KCND2: variants seen among roughly 807,000 people sequenced by gnomAD.
KCND2 encodes the protein potassium voltage-gated channel subfamily D member 2.
Under a neutral mutation model 54.4 loss-of-function variants are expected in KCND2, and 16 were observed. That is an observed-to-expected ratio of 0.29 (90% confidence interval 0.20 to 0.45). The LOEUF is 0.45. Ranked by LOEUF, KCND2 falls within the 20% of genes least tolerant of loss-of-function variation. The probability of loss-of-function intolerance (pLI) is 1.00; values close to 1 mark genes in which losing one functional copy is unlikely to be tolerated. For synonymous variants in KCND2, 317 were observed against 310.7 expected (o/e 1.02, Z -0.21); for missense variants, 486 against 824.2 (o/e 0.59, Z 5.02).
At chr7:120,598,167 A>G (rs756052351) in intron 1 of KCND2, among the ~76,000 whole-genome samples, 1 of 152,122 alleles carries the variant, frequency 6.6e-6, no homozygotes, top group African/African-American at 2.4e-5. Context: ...AGTGGTTTCA[A>G]TGAGGAAAAG....
At chr7:120,732,519 A>T (rs1227297480) in intron 1 of KCND2, among the ~76,000 whole-genome samples, 1 of 152,160 alleles carries the variant, frequency 6.6e-6, no homozygotes, top group Non-Finnish European at 1.5e-5. Flanking sequence ...TTGAATGTTG[A>T]AAAAACTAAG....
intron 1 of KCND2, among the ~76,000 whole-genome samples, chr7:120,474,178 C>T (rs775099645): frequency 3.3e-5 from 5 of 152,134 alleles, no homozygotes; most frequent in African/African-American, 7.2e-5. Context: ...TGAGGCCCTC[C>T]GTGGTGATTC....
At chr7:120,594,327 T>G (rs139873932) in intron 1 of KCND2, among the ~76,000 whole-genome samples, 2 of 152,320 alleles carry the variant, frequency 1.3e-5, no homozygotes, top group East Asian at 3.9e-4. Context: ...TCAGGTTGCT[T>G]TCACAAATTA....
At chr7:120,478,426 A>C (rs958281370) in intron 1 of KCND2, among the ~76,000 whole-genome samples, 1 of 93,164 alleles carries the variant, frequency 1.1e-5, no homozygotes, top group Non-Finnish European at 2.0e-5. Flanking sequence ...ATTTTTAGGC[A>C]AAAAACCTTG....
At chr7:120,365,067 G>A (rs985783049) in intron 1 of KCND2, among the ~76,000 whole-genome samples, 1 of 151,866 alleles carries the variant, frequency 6.6e-6, no homozygotes, top group African/African-American at 2.4e-5. Flanking sequence ...ATAACAAGAT[G>A]GTGAGTATGT....
chr7:120,363,009 C>A (rs1414853879), intron 1 of KCND2, among the ~76,000 whole-genome samples: 1 of 151,782 alleles, frequency 6.6e-6, no homozygotes, highest in Non-Finnish European at 1.5e-5. Context: ...TTGTATAAAC[C>A]CTTGGAAGTC....
intron 1 of KCND2, among the ~76,000 whole-genome samples, chr7:120,418,857 A>G (rs558731371): frequency 2.0e-5 from 3 of 152,246 alleles, no homozygotes; most frequent in Admixed American, 6.5e-5. Flanking sequence ...AAACAAATAC[A>G]TTGTTTTGAT....
intron 1 of KCND2, among the ~76,000 whole-genome samples, chr7:120,521,003 G>A (rs566776711): frequency 1.1e-4 from 17 of 152,142 alleles, no homozygotes; most frequent in African/African-American, 4.1e-4. Context: ...TGCCCTTGGT[G>A]GAAAATAGTA....
intron 1 of KCND2, among the ~76,000 whole-genome samples, chr7:120,289,067 C>A (rs1029991751): frequency 2.6e-5 from 1 of 38,296 alleles, no homozygotes; most frequent in African/African-American, 4.0e-5. Context: ...CACACACACA[C>A]ACACACACAC....
chr7:120,650,616 G>A (rs530865573), intron 1 of KCND2, among the ~76,000 whole-genome samples: 4 of 143,898 alleles, frequency 2.8e-5, no homozygotes, highest in South Asian at 2.2e-4. Context: ...CTCCCGACTC[G>A]TCAAAGTCAT....
intron 1 of KCND2, among the ~76,000 whole-genome samples, chr7:120,478,030 AGAT>A (rs1351879223): frequency 4.6e-5 from 7 of 152,210 alleles, no homozygotes; most frequent in Non-Finnish European, 7.3e-5. Context: ...AATGTAATAA[AGAT>A]AATAATAATA....
intron 1 of KCND2, among the ~76,000 whole-genome samples, chr7:120,384,459 G>A (rs1800959077): frequency 6.6e-6 from 1 of 152,090 alleles, no homozygotes; most frequent in African/African-American, 2.4e-5. Context: ...ACACACATAT[G>A]CTCTCAGCAT....
At chr7:120,421,293 T>G (rs753358561) in intron 1 of KCND2, among the ~76,000 whole-genome samples, 4 of 152,186 alleles carry the variant, frequency 2.6e-5, no homozygotes, top group Non-Finnish European at 4.4e-5. Context: ...TGTAGATAAC[T>G]ACCTCTTCTC....
intron 1 of KCND2, among the ~76,000 whole-genome samples, chr7:120,512,799 T>TTC (rs960453933): frequency 6.6e-6 from 1 of 150,554 alleles, no homozygotes. Flanking sequence ...GGTTTCTTTT[T>TTC]TCTTTTTTTT....
chr7:120,275,839 A>G (rs894816572), intron 1 of KCND2, 92 bp downstream of exon 1: 123 of 1,387,958 alleles, frequency 8.9e-5, no homozygotes, highest in Non-Finnish European at 6.8e-5. Flanking sequence ...CGGGGAAATC[A>G]TTTGTTTTCT....
intron 1 of KCND2, among the ~76,000 whole-genome samples, chr7:120,715,588 G>A (rs1419768659): frequency 6.6e-6 from 1 of 151,978 alleles, no homozygotes; most frequent in Admixed American, 6.6e-5. Context: ...CAGAATTACT[G>A]TTACTGCAAA....
chr7:120,535,542 C>T (rs1791895340), intron 1 of KCND2, among the ~76,000 whole-genome samples: 1 of 152,126 alleles, frequency 6.6e-6, no homozygotes, highest in Non-Finnish European at 1.5e-5. Context: ...CGAGAGGTCA[C>T]ATACTTAAGA....
At chr7:120,278,567 G>A (rs1021729775) in intron 1 of KCND2, among the ~76,000 whole-genome samples, 2 of 151,164 alleles carry the variant, frequency 1.3e-5, no homozygotes, top group East Asian at 3.9e-4. Context: ...TGTCATTCAG[G>A]ACTGGCAGAA....
At chr7:120,603,379 A>G (rs1792838811) in intron 1 of KCND2, among the ~76,000 whole-genome samples, 1 of 152,162 alleles carries the variant, frequency 6.6e-6, no homozygotes, top group Non-Finnish European at 1.5e-5. Context: ...CTGCACCTAC[A>G]TGTGCTGGAG....
Sources: allele counts gnomAD v4.1 joint callset (sites outside exome capture counted in the v4.1 genomes callset), GRCh38; gene constraint gnomAD v4.1.1; transcripts MANE v1.5; gene names NCBI Gene and HGNC (gene_info 2026-07-23, HGNC 2026-07-21).